Variants in RGL1 observed in about 807,000 individuals in gnomAD.
RGL1 encodes the protein ral guanine nucleotide dissociation stimulator like 1, also known as ral guanine nucleotide dissociation stimulator-like 1.
RGL1 carries 24 observed loss-of-function variants against 95.2 expected under a neutral mutation model. The observed-to-expected ratio is 0.25, with a 90% confidence interval of 0.18 to 0.35. The LOEUF (loss-of-function observed/expected upper bound fraction) is 0.35. RGL1 is among the 10% of genes least tolerant of loss of function. The pLI is 1.00. For missense variants in RGL1, 715 were observed against 936.3 expected, an observed-to-expected ratio of 0.76 and a Z score of 3.08; for synonymous variants, 329 against 344.9, an observed-to-expected ratio of 0.95 and a Z score of 0.51.
At chr1:183,760,734 G>C (rs1329862066) in intron 2 of RGL1, among the ~76,000 whole-genome samples, 1 of 152,120 alleles carries the variant, frequency 6.6e-6, no homozygotes, top group Non-Finnish European at 1.5e-5. Context: ...GCCTGAGCAA[G>C]AGAGCAAGAC....
At chr1:183,827,942 C>G (rs1467413901) in intron 2 of RGL1, among the ~76,000 whole-genome samples, 1 of 152,224 alleles carries the variant, frequency 6.6e-6, no homozygotes, top group Non-Finnish European at 1.5e-5. Context: ...TGGTCACTCA[C>G]AACAGATACT....
intron 17 of RGL1, among the ~76,000 whole-genome samples, chr1:183,924,612 TTAAAG>T (rs1416131690): frequency 3.9e-5 from 6 of 151,994 alleles, no homozygotes; most frequent in African/African-American, 9.7e-5. Context: ...ACCCCAGACC[TTAAAG>T]TATAGTAAAA....
intron 2 of RGL1, among the ~76,000 whole-genome samples, chr1:183,817,555 A>G (rs889324248): frequency 2.0e-5 from 3 of 152,178 alleles, no homozygotes; most frequent in African/African-American, 7.2e-5. Context: ...CCCCCTGAGC[A>G]TCTAAAGATC....
rs979295340 is a variant in RGL1 at position 183,731,762 on chromosome 1, C to G, written c.-32-10364C>G. Among the ~76,000 whole-genome samples, 3 of 152,204 alleles carry G rather than the reference C, an allele frequency of 2.0e-5. No individual in the cohort carries two copies. The East Asian group carries it at 5.8e-4, about 29-fold the overall frequency. On this transcript the variant is annotated intron_variant, in intron 1 of 18. Transcript: ENST00000304685. ...GTTTCATCTGGATGGGGAATTAATA[C>G]TTACCTCAAAGAGCTCTCAGTGTAA...
chr1:183,659,517 A>C lies in RGL1; in HGVS notation c.-33+23016A>C, dbSNP rs548172987. On this transcript the variant is annotated intron_variant, in intron 1 of 18. Coordinates refer to the RGL1 transcript ENST00000304685. ...AGGGAAGTTTAGAGAAAAAAGAATA[A>C]AAAGAAACGAACAAAGCCTCCAAGA... Among the ~76,000 whole-genome samples, 14 of 152,270 alleles carry C rather than the reference A, an allele frequency of 9.2e-5. No homozygotes were observed. In the South Asian group the frequency reaches 2.9e-3, roughly 32 times the overall value.
At chr1:183,876,247 T>G (rs1282027464) in intron 4 of RGL1, among the ~76,000 whole-genome samples, 7 of 152,266 alleles carry the variant, frequency 4.6e-5, no homozygotes, top group African/African-American at 1.7e-4. Context: ...GTGAATGAAT[T>G]TCTTAGAAGC....
chr1:183,892,225 A>T (rs973726966), intron 9 of RGL1, 64 bp downstream of exon 9: 12 of 1,202,708 alleles, frequency 1.0e-5, no homozygotes, highest in South Asian at 6.8e-5. Context: ...TTCAAGGAAG[A>T]GTAGTGTGAG....
intron 2 of RGL1, among the ~76,000 whole-genome samples, chr1:183,842,580 A>G (rs1393304500): frequency 6.6e-6 from 1 of 152,172 alleles, no homozygotes; most frequent in Non-Finnish European, 1.5e-5. Flanking sequence ...AAAAAGCTGG[A>G]TTCTAAAGGC....
chr1:183,755,494 T>G (rs1658267837), intron 2 of RGL1, among the ~76,000 whole-genome samples: 1 of 152,084 alleles, frequency 6.6e-6, no homozygotes, highest in Non-Finnish European at 1.5e-5. Flanking sequence ...ATGACAAATA[T>G]CTTTATATAA....
At chr1:183,658,046 T>C (rs1224869917) in intron 1 of RGL1, among the ~76,000 whole-genome samples, 1 of 152,248 alleles carries the variant, frequency 6.6e-6, no homozygotes, top group Non-Finnish European at 1.5e-5. Context: ...TATTTTATTC[T>C]TTTTATAAAC....
rs370886689 is a variant in RGL1, at chr1:183,641,751, AAGTT to A, written c.-33+5253_-33+5256del. 6.4e-3 allele frequency among the ~76,000 whole-genome samples: 978 copies of A among 152,294 alleles called. 13 individuals carry two copies. Among genetic ancestry groups the A allele is most frequent in the African/African-American group, 0.023 (951 of 41,550 alleles). On this transcript the variant is annotated intron_variant, in intron 1 of 18. Coordinates refer to the RGL1 transcript ENST00000304685. ...AATTATCATGCTATTTGGTTTTTGA[AAGTT>A]AGAGTGTGCTGCAAAACCACCTGGG...
intron 3 of RGL1, among the ~76,000 whole-genome samples, chr1:183,859,966 T>G (rs1665405080): frequency 6.6e-6 from 1 of 152,212 alleles, no homozygotes; most frequent in East Asian, 1.9e-4. Flanking sequence ...GTGGAAACAG[T>G]CCAAAGTCTT....
intron 2 of RGL1, among the ~76,000 whole-genome samples, chr1:183,817,639 AC>A (rs1451581906): frequency 2.4e-4 from 36 of 152,094 alleles, no homozygotes. Context: ...GAGCTAAATG[AC>A]CCTTGTACTC....
chr1:183,829,804 G>T (rs754731236), intron 2 of RGL1, among the ~76,000 whole-genome samples: 1 of 152,014 alleles, frequency 6.6e-6, no homozygotes, highest in Non-Finnish European at 1.5e-5. Flanking sequence ...CCCCTGAAAC[G>T]TTCTCTCTCT....
Position 183,926,484 on chromosome 1 carries a change from G to A in RGL1, c.*192G>A, listed in dbSNP as rs1420425964. 2 of 449,832 alleles carry A rather than the reference G, an allele frequency of 4.4e-6. No homozygotes were observed. The allele number at this position is 449,832 out of a possible 1,614,324, so 27.9% of individuals were successfully genotyped here. On this transcript the variant is annotated 3_prime_UTR_variant, in exon 18 of 18. Transcript: ENST00000360851. ...CTGGAAATGAATTTGACATGAAAAG[G>A]ATGAACGATTCACTGATTCTCTTTG...
At chr1:183,740,553 A>G (rs1325363284) in intron 1 of RGL1, among the ~76,000 whole-genome samples, 1 of 152,228 alleles carries the variant, frequency 6.6e-6, no homozygotes, top group African/African-American at 2.4e-5. Context: ...TTAAGTGAGC[A>G]TAACACCTGT....
At chr1:183,655,200 C>T (rs1158963397) in intron 1 of RGL1, among the ~76,000 whole-genome samples, 1 of 152,226 alleles carries the variant, frequency 6.6e-6, no homozygotes, top group East Asian at 1.9e-4. Flanking sequence ...TTTTAAGAGA[C>T]ATTTACTCAG....
At chr1:183,922,393 T>C in intron 17 of RGL1, 57 bp downstream of exon 17, 1 of 1,219,018 alleles carries the variant, frequency 8.2e-7, no homozygotes, top group Non-Finnish European at 1.2e-6. Context: ...CTAGCACATG[T>C]CCACAGTGCT....
intron 2 of RGL1, among the ~76,000 whole-genome samples, chr1:183,827,186 G>A (rs1662925195): frequency 6.6e-6 from 1 of 152,228 alleles, no homozygotes; most frequent in Non-Finnish European, 1.5e-5. Context: ...ACCTCCCAAA[G>A]TGTTGGGATT....
Sources: gnomAD v4.1 joint callset for allele counts (sites outside exome capture counted in the v4.1 genomes callset) on GRCh38, gnomAD v4.1.1 for gene constraint, MANE v1.5 for transcripts, NCBI Gene and HGNC (gene_info 2026-07-23, HGNC 2026-07-21) for gene names.